The following GTF2E2 variants were observed in gnomAD, a reference collection of about 807,000 sequenced individuals.
GTF2E2 encodes the protein general transcription factor IIE subunit 2.
Under a neutral mutation model 40.5 loss-of-function variants are expected in GTF2E2, and 21 were observed. The observed-to-expected ratio is 0.52, with a 90% CI of 0.37 to 0.75. The LOEUF (loss-of-function observed/expected upper bound fraction) is 0.75, where lower values mean the gene tolerates loss of function less well. Ranked by LOEUF, GTF2E2 falls within the 30% of genes least tolerant of loss-of-function variation. GTF2E2 has a pLI of 0.00. For missense variants in GTF2E2, 298 were observed against 338.4 expected, an observed-to-expected ratio of 0.88 and a Z score of 0.94; for synonymous variants, 117 against 121.6, an observed-to-expected ratio of 0.96 and a Z score of 0.25.
At chr8:30,591,964 A>G (rs904937117) in intron 6 of GTF2E2, among the ~76,000 whole-genome samples, 8 of 152,140 alleles carry the variant, frequency 5.3e-5, no homozygotes, top group East Asian at 1.9e-4. Flanking sequence ...TTATTTCCCT[A>G]TAAGCACTGC....
intron 2 of GTF2E2, among the ~76,000 whole-genome samples, chr8:30,640,256 G>T (rs1478316714): frequency 6.6e-6 from 1 of 152,136 alleles, no homozygotes; most frequent in East Asian, 1.9e-4. Context: ...AAGCACCTGA[G>T]AATTCAATTC....
chr8:30,626,952 G>C (rs1430147128), intron 3 of GTF2E2, among the ~76,000 whole-genome samples: 1 of 152,126 alleles, frequency 6.6e-6, no homozygotes, highest in East Asian at 1.9e-4. Flanking sequence ...TCATCTTTTT[G>C]TTTTTAAATC....
intron 3 of GTF2E2, among the ~76,000 whole-genome samples, chr8:30,617,152 A>G (rs992297978): frequency 1.1e-4 from 17 of 152,292 alleles, no homozygotes; most frequent in Non-Finnish European, 2.9e-5. Flanking sequence ...GTTCCCTCAC[A>G]TTGAGCAGGT....
intron 6 of GTF2E2, among the ~76,000 whole-genome samples, chr8:30,587,406 C>T (rs1191533470): frequency 6.6e-6 from 1 of 150,624 alleles, no homozygotes. Flanking sequence ...AAATGAGACG[C>T]TGCCTCTAAA....
rs1280012473 is a variant in GTF2E2 at position 30,612,308 on chromosome 8, T to C, written c.540A>G (p.Lys180=). The C allele has an allele frequency of 6.3e-7, 1 of 1,599,276 alleles. No individual in the cohort carries two copies. The highest frequency in any genetic ancestry group is 8.6e-7 in the Non-Finnish European group (1 of 1,167,752). Residue 180 remains lysine (K), a synonymous_variant, in exon 5 of 8, where the codon AAA becomes AAG. Coordinates refer to ENST00000355904, the MANE Select transcript of GTF2E2 (RefSeq NM_002095.6). The part of the protein sequence containing the change: ...DIEEALPNSQ[K]AVKALGDQIL... The stretch of plus-strand genomic sequence containing the variant: ...AGAAAAGAGAGATTACCTTGACAGC[T>C]TTCTGGGAATTGGGCAGTGCTTCTT...
chr8:30,658,151 G>GCGA lies in GTF2E2; in HGVS notation c.-184_-183insTCG. ...GGTCTCACCACTGGCGGTGGCGGCG[G>GCGA]CGGCGGCGGCAGCGGCGGTAGCTGA... is the stretch of plus-strand genomic sequence containing the variant. On this transcript the variant is annotated 5_prime_UTR_variant, in exon 1 of 8. Transcript: ENST00000355904. 5.1e-6 allele frequency: 1 copy of GCGA among 195,732 alleles called. No homozygotes were observed. The highest frequency in any genetic ancestry group is 1.0e-5 in the Non-Finnish European group (1 of 96,806). 12.1% of individuals were successfully genotyped at this position (195,732 alleles called of 1,614,324 possible). A position where few individuals can be genotyped will look rare whatever the true frequency, so the allele number is the denominator to read the frequency against.
intron 6 of GTF2E2, among the ~76,000 whole-genome samples, chr8:30,582,904 T>C (rs1482618787): frequency 5.9e-5 from 9 of 152,268 alleles, no homozygotes; most frequent in Admixed American, 3.9e-4. Context: ...TTTCAGACTA[T>C]ATAAATACCG....
chr8:30,594,636 T>A (rs1484965231), intron 6 of GTF2E2, among the ~76,000 whole-genome samples: 1 of 150,030 alleles, frequency 6.7e-6, no homozygotes, highest in African/African-American at 2.5e-5. Flanking sequence ...GGTGGGAAGA[T>A]CGCCTGAGGT....
intron 3 of GTF2E2, among the ~76,000 whole-genome samples, chr8:30,628,230 G>A (rs1274635607): frequency 1.3e-5 from 2 of 152,118 alleles, no homozygotes; most frequent in South Asian, 2.1e-4. Context: ...ACTTTGATCA[G>A]GTGAGAAAAG....
intron 1 of GTF2E2, chr8:30,657,634 G>C (rs1802486273): frequency 6.6e-6 from 1 of 152,178 alleles, no homozygotes; most frequent in East Asian, 1.9e-4. Flanking sequence ...TTAAATCACA[G>C]TCTTGAGCTG....
At chr8:30,647,263 G>A (rs1802124833) in intron 2 of GTF2E2, among the ~76,000 whole-genome samples, 1 of 152,106 alleles carries the variant, frequency 6.6e-6, no homozygotes, top group African/African-American at 2.4e-5. Context: ...GTGTGGTGAA[G>A]AGAGGAAATC....
At chr8:30,614,265 C>T (rs370136395) in intron 4 of GTF2E2, among the ~76,000 whole-genome samples, 1 of 152,130 alleles carries the variant, frequency 6.6e-6, no homozygotes, top group East Asian at 1.9e-4. Flanking sequence ...AAGTAAAAAG[C>T]ATTATCAGAT....
intron 2 of GTF2E2, chr8:30,644,551 A>G (rs1801990190): frequency 6.6e-6 from 1 of 152,212 alleles, no homozygotes; most frequent in Non-Finnish European, 1.5e-5. Flanking sequence ...AACAGGAGAC[A>G]GAAATACACT....
chr8:30,579,079 T>C, intron 7 of GTF2E2, 42 bp from the exon 8 acceptor site: 2 of 1,011,894 alleles, frequency 2.0e-6, no homozygotes, highest in Non-Finnish European at 3.2e-6. Context: ...ACAGCTGCTC[T>C]GAGGGGTGGT....
intron 3 of GTF2E2, among the ~76,000 whole-genome samples, chr8:30,633,878 A>G (rs1334247612): frequency 6.6e-6 from 1 of 152,246 alleles, no homozygotes; most frequent in Non-Finnish European, 1.5e-5. Flanking sequence ...TAACATATTT[A>G]TACTATAACC....
intron 2 of GTF2E2, chr8:30,645,508 A>G: frequency 1.3e-6 from 2 of 1,535,692 alleles, no homozygotes. Context: ...CTGTGTAAAA[A>G]ACAAAACCGT....
At chr8:30,653,755 A>C (rs541287790) in intron 1 of GTF2E2, among the ~76,000 whole-genome samples, 153 bp from the exon 2 acceptor site, 13 of 152,306 alleles carry the variant, frequency 8.5e-5, no homozygotes, top group African/African-American at 2.9e-4. Flanking sequence ...TCAAGTACTC[A>C]AGAAATATTT....
chr8:30,612,844 G>C (rs920446012), intron 4 of GTF2E2, among the ~76,000 whole-genome samples: 12 of 152,172 alleles, frequency 7.9e-5, no homozygotes, highest in Non-Finnish European at 1.2e-4. Context: ...ACTGTGCCCA[G>C]CCCATATACA....
At chr8:30,595,407 T>C (rs2151115307) in intron 6 of GTF2E2, among the ~76,000 whole-genome samples, 2 of 152,358 alleles carry the variant, frequency 1.3e-5, no homozygotes, top group Middle Eastern at 6.8e-3. Context: ...TTTGTATAGA[T>C]CCAAATGTCT....
Sources: allele counts gnomAD v4.1 joint callset (sites outside exome capture counted in the v4.1 genomes callset), GRCh38; gene constraint gnomAD v4.1.1; transcripts MANE v1.5; gene names NCBI Gene and HGNC (gene_info 2026-07-23, HGNC 2026-07-21).